ZNF638: variants seen among roughly 807,000 people sequenced by gnomAD.
ZNF638 encodes zinc finger protein 638.
In ZNF638, 46 loss-of-function variants were observed where a neutral mutation model predicts 195.6. That is an observed-to-expected ratio of 0.24 (90% CI 0.19 to 0.30). The LOEUF is 0.30. Ranked by LOEUF, ZNF638 falls within the 10% of genes least tolerant of loss-of-function variation. The pLI is 1.00. For missense variants in ZNF638, 2,440 were observed against 2,325.3 expected (o/e 1.05, Z -1.01); for synonymous variants, 845 against 772.0 (o/e 1.09, Z -1.57).
In ZNF638 at chr2:71,435,030, A is replaced by G. The variant is rs2080737289; in HGVS notation, c.*223A>G. ...AGAAATATCTTTTAGAAGTGTTAAA[A>G]TAAATGTTCCTACTGTATATTTAAA... is the stretch of plus-strand genomic sequence containing the variant. On this transcript the variant is annotated 3_prime_UTR_variant, in exon 28 of 28. Transcript: ENST00000264447. The G allele has an allele frequency of 2.4e-6, 1 of 411,864 alleles. No individual in the cohort carries two copies. The highest frequency in any genetic ancestry group is 2.1e-5 in the African/African-American group (1 of 47,778). The allele number at this position is 411,864 out of a possible 1,614,324, so 25.5% of individuals were successfully genotyped here.
At chr2:71,376,059 C>T (rs2079416736) in intron 8 of ZNF638, 1 of 152,136 alleles carries the variant, frequency 6.6e-6, no homozygotes. Context: ...TAGAATGTTT[C>T]AAATAGCTTA....
chr2:71,411,161 T>G (rs2080212937), intron 20 of ZNF638, among the ~76,000 whole-genome samples: 1 of 151,008 alleles, frequency 6.6e-6, no homozygotes, highest in Non-Finnish European at 1.5e-5. Context: ...CCATGCCCAC[T>G]AATTTTTTTT....
At chr2:71,392,097 T>C (rs1573105952) in intron 10 of ZNF638, among the ~76,000 whole-genome samples, 2 of 152,242 alleles carry the variant, frequency 1.3e-5, no homozygotes, top group Admixed American at 1.3e-4. Flanking sequence ...GTTATGACCC[T>C]GAATGTCATA....
At chr2:71,387,509 A>G (rs2079666977) in intron 10 of ZNF638, among the ~76,000 whole-genome samples, 1 of 152,062 alleles carries the variant, frequency 6.6e-6, no homozygotes, top group South Asian at 2.1e-4. Context: ...CATCTCTACT[A>G]AAAATACAAA....
At position 71,405,085 on chromosome 2, in the gene ZNF638, A is replaced by G. The variant is rs566658317; in HGVS notation, c.2959-516A>G. Among the ~76,000 whole-genome samples the G allele has an allele frequency of 2.6e-5, 4 of 151,990 alleles. No individual in the cohort carries two copies. The East Asian group carries it at 7.7e-4, about 29-fold the overall frequency. On this transcript the variant is annotated intron_variant, in intron 17 of 27. Coordinates refer to ENST00000264447, the MANE Select transcript of ZNF638 (RefSeq NM_014497.5). ...AAAAGTTTAGGATCCTCAGTCTTAT[A>G]AAGTCCAAGTTCCTTTGCCGCACAC...
Position 71,396,172 on chromosome 2 carries a change from CA to C in ZNF638, c.2412del (p.Val805Ter). ...KTGQAKASVA[K>X]VNKSTGKSAS... Reference sequence around the variant, plus strand: ...CTGGACAAGCCAAGGCATCTGTAGCCAAAGTAAACAAATCTACAGGTATGTT... The same window carrying C: ...CTGGACAAGCCAAGGCATCTGTAGCCAAGTAAACAAATCTACAGGTATGTT... On this transcript the variant is annotated frameshift_variant, in exon 11 of 28. Transcript: ENST00000264447. LOFTEE classifies it high-confidence loss of function. The C allele has an allele frequency of 6.2e-7, 1 of 1,612,652 alleles. No individual in the cohort carries two copies. Among genetic ancestry groups the C allele is most frequent in the Non-Finnish European group, 8.5e-7 (1 of 1,179,588 alleles).
At chr2:71,427,479 AATAC>A (rs2080562472) in intron 24 of ZNF638, 65 bp downstream of exon 24, 4 of 1,247,856 alleles carry the variant, frequency 3.2e-6, no homozygotes, top group Non-Finnish European at 4.3e-6. Context: ...TTAATTTTAA[AATAC>A]ATGTTGTGGC....
intron 16 of ZNF638, 38 bp downstream of exon 16, chr2:71,402,125 G>A (rs973219982): frequency 4.6e-6 from 7 of 1,536,956 alleles, no homozygotes; most frequent in East Asian, 2.3e-5. Flanking sequence ...TCCTCTGCAA[G>A]CATGCATGCT....
chr2:71,395,605 G>C, intron 10 of ZNF638: 1 of 579,160 alleles, frequency 1.7e-6, no homozygotes, highest in South Asian at 1.6e-5. Flanking sequence ...AAGGCGGTGG[G>C]GGTGACAATT....
chr2:71,395,345 A>G, intron 10 of ZNF638: 1 of 714,162 alleles, frequency 1.4e-6, no homozygotes, highest in East Asian at 2.7e-5. Flanking sequence ...TGCAAAAAAC[A>G]AAAGGGGGAG....
chr2:71,430,243 G>T (rs2080629735), intron 25 of ZNF638, among the ~76,000 whole-genome samples: 1 of 151,924 alleles, frequency 6.6e-6, no homozygotes, highest in African/African-American at 2.4e-5. Flanking sequence ...TAAGATAAAT[G>T]TGCCTTTGGA....
rs985521425 is a variant in ZNF638, at chr2:71,331,782, G to C, written c.-296G>C. On this transcript the variant is annotated 5_prime_UTR_variant, in exon 1 of 28. Coordinates refer to ENST00000264447, the MANE Select transcript of ZNF638 (RefSeq NM_014497.5). ...GAGGCGCGCATGCGTGCAGCTCTTT[G>C]GAGGCGGTAGCGTTTTCGGCGTCGA... The C allele has an allele frequency of 1.0e-6, 1 of 986,006 alleles. No homozygotes were observed. Among genetic ancestry groups the C allele is most frequent in the Non-Finnish European group, 1.2e-6 (1 of 830,150 alleles). 61.1% of individuals were successfully genotyped at this position (986,006 alleles called of 1,614,324 possible).
chr2:71,385,594 C>CACA (rs2104373170), intron 10 of ZNF638, among the ~76,000 whole-genome samples: 1 of 152,246 alleles, frequency 6.6e-6, no homozygotes, highest in East Asian at 1.9e-4. Flanking sequence ...TCACACTGAT[C>CACA]TACACCTATG....
intron 8 of ZNF638, among the ~76,000 whole-genome samples, chr2:71,373,586 A>G (rs1049859088): frequency 3.3e-5 from 5 of 151,500 alleles, no homozygotes; most frequent in African/African-American, 7.3e-5. Context: ...CTGGGACTAC[A>G]GGTGCTCGCC....
At chr2:71,379,251 C>T (rs905939718) in intron 8 of ZNF638, among the ~76,000 whole-genome samples, 1 of 152,196 alleles carries the variant, frequency 6.6e-6, no homozygotes, top group East Asian at 1.9e-4. Context: ...TTATCTGAGG[C>T]TTGGCTTTGC....
intron 21 of ZNF638, among the ~76,000 whole-genome samples, chr2:71,419,706 A>C (rs998138256): frequency 1.3e-5 from 2 of 152,158 alleles, no homozygotes; most frequent in Non-Finnish European, 2.9e-5. Context: ...AACAGTGCCT[A>C]TGTAGTACTA....
chr2:71,414,028 G>C (rs1481436904), intron 20 of ZNF638, among the ~76,000 whole-genome samples: 3 of 131,890 alleles, frequency 2.3e-5, no homozygotes, highest in Admixed American at 7.8e-5. Flanking sequence ...TTTTTCTGTT[G>C]ATTGGAATAG....
chr2:71,375,806 G>A (rs937821084), intron 8 of ZNF638: 2 of 152,206 alleles, frequency 1.3e-5, no homozygotes, highest in Non-Finnish European at 2.9e-5. Context: ...AAGTGGAGAA[G>A]AGCACTGAAG....
chr2:71,430,555 CT>C, intron 25 of ZNF638, among the ~76,000 whole-genome samples: 1 of 152,276 alleles, frequency 6.6e-6, no homozygotes, highest in Middle Eastern at 3.4e-3. Flanking sequence ...CACTCACTAG[CT>C]ATGCAACCTT....
Sources: allele counts gnomAD v4.1 joint callset (sites outside exome capture counted in the v4.1 genomes callset), GRCh38; gene constraint gnomAD v4.1.1; transcripts MANE v1.5; gene names NCBI Gene and HGNC (gene_info 2026-07-23, HGNC 2026-07-21).